Variants in DSCC1 observed in about 807,000 individuals in gnomAD.
DSCC1 encodes DNA replication and sister chromatid cohesion 1.
DSCC1 carries 32 observed loss-of-function variants against 48.2 expected under a neutral mutation model. That is an observed-to-expected ratio of 0.66 (90% confidence interval 0.50 to 0.89). The LOEUF is 0.89. DSCC1 is among the 40% of genes least tolerant of loss of function. The pLI is 0.00. For synonymous variants in DSCC1, 150 were observed against 171.5 expected (o/e 0.87, Z 0.98); for missense variants, 421 against 471.7 (o/e 0.89, Z 1.00).
rs772906172 is a variant in DSCC1 at position 119,855,676 on chromosome 8, G to A, written c.120C>T (p.Ala40=). 2.1e-5 allele frequency: 33 copies of A among 1,551,240 alleles called. No individual in the cohort carries two copies. The highest frequency in any genetic ancestry group is 7.7e-5 in the Admixed American group (4 of 51,648). The stretch of plus-strand genomic sequence containing the variant: ...CCAGCTCCAGCAGGCAGAAGTCGCC[G>A]GCTGCAGCGCCGCTGGCCCCAGGGC... ...GFGPGASGAA[A]GDFCLLELEP... is the part of the protein sequence containing the mutation. The change falls in exon 1 of 9, where the codon GCC becomes GCT. Residue 40 remains alanine (A), a synonymous_variant. Coordinates refer to ENST00000313655, the MANE Select transcript of DSCC1 (RefSeq NM_024094.3).
chr8:119,844,257 G>A (rs1826817891), intron 4 of DSCC1, among the ~76,000 whole-genome samples: 1 of 151,904 alleles, frequency 6.6e-6, no homozygotes, highest in Non-Finnish European at 1.5e-5. Context: ...GGCCAACATA[G>A]TGAAACCCCA....
chr8:119,840,893 C>T (rs1372508935), intron 7 of DSCC1, among the ~76,000 whole-genome samples: 1 of 151,626 alleles, frequency 6.6e-6, no homozygotes, highest in Non-Finnish European at 1.5e-5. Context: ...GCCTGGGTGA[C>T]AGAATGAGAC....
chr8:119,855,828 C>T lies in DSCC1; in HGVS notation c.-33G>A, dbSNP rs1291400938. On this transcript the variant is annotated 5_prime_UTR_variant, in exon 1 of 9. Transcript: ENST00000313655. Reference sequence around the variant, plus strand: ...CCGGGTCTAGGAGTCCCGCCGCGCCCGGGTGGCTGCGGGCTTGGCGGGCAA... The same window carrying T: ...CCGGGTCTAGGAGTCCCGCCGCGCCTGGGTGGCTGCGGGCTTGGCGGGCAA... The T allele has an allele frequency of 5.6e-6, 8 of 1,422,454 alleles. No individual in the cohort carries two copies. The African/African-American group carries it at 1.1e-4, about 19-fold the overall frequency. The allele number at this position is 1,422,454 out of a possible 1,614,324, so 88.1% of individuals were successfully genotyped here.
At chr8:119,850,357 A>G (rs1411940824) in intron 3 of DSCC1, 25 bp downstream of exon 3, 1 of 1,548,724 alleles carries the variant, frequency 6.5e-7, no homozygotes, top group Non-Finnish European at 8.6e-7. Context: ...TAAATTCCAA[A>G]TAAAAAAGTG....
intron 1 of DSCC1, among the ~76,000 whole-genome samples, chr8:119,854,866 A>G (rs1826993561): frequency 6.6e-6 from 1 of 152,218 alleles, no homozygotes; most frequent in Admixed American, 6.5e-5. Flanking sequence ...GCAAAGTACG[A>G]AAACTGAAAG....
At position 119,855,848 on chromosome 8, in the gene DSCC1, G is replaced by C. The variant is rs1056509237; in HGVS notation, c.-53C>G. ...GCGCCCGGGTGGCTGCGGGCTTGGCGGGCAAGAAAGAAGTTCCCAAGCAGC... is the reference window on the plus strand; with the variant it reads ...GCGCCCGGGTGGCTGCGGGCTTGGCCGGCAAGAAAGAAGTTCCCAAGCAGC... On this transcript the variant is annotated 5_prime_UTR_variant, in exon 1 of 9. Transcript: ENST00000313655. The C allele has an allele frequency of 3.6e-5, 51 of 1,410,422 alleles. No individual in the cohort carries two copies. The highest frequency in any genetic ancestry group is 2.5e-4 in the Middle Eastern group (1 of 3,928). The allele number at this position is 1,410,422 out of a possible 1,614,324, so 87.4% of individuals were successfully genotyped here. A position where few individuals can be genotyped will look rare whatever the true frequency, so the allele number is the denominator to read the frequency against.
rs767726560 is a variant in DSCC1, at chr8:119,855,786, T to C, written c.10A>G (p.Thr4Ala). Residue 4 changes from threonine to alanine, a missense_variant, in exon 1 of 9, where the codon ACC (threonine) becomes GCC (alanine). Physicochemically the swap from Thr to Ala is moderately conservative, Grantham distance 58 (BLOSUM62 0). Coordinates refer to ENST00000313655, the MANE Select transcript of DSCC1 (RefSeq NM_024094.3). The part of the protein sequence containing the change: MKR[T>A]RDEVDATLQI... Reference sequence around the variant, plus strand: ...AGCGTCGCATCCACCTCGTCGCGGGTCCTCTTCATCGCAGCGCCGGGTCTA... The same window carrying C: ...AGCGTCGCATCCACCTCGTCGCGGGCCCTCTTCATCGCAGCGCCGGGTCTA... 6.5e-7 allele frequency: 1 copy of C among 1,534,404 alleles called. No individual in the cohort carries two copies. Among genetic ancestry groups the C allele is most frequent in the Non-Finnish European group, 8.8e-7 (1 of 1,141,278 alleles).
rs933416316 is a variant in DSCC1 at position 119,842,891 on chromosome 8, C to G, written c.717-63G>C. The G allele has an allele frequency of 1.3e-5, 17 of 1,315,100 alleles. No homozygotes were observed. The Admixed American group carries it at 1.9e-4, about 15-fold the overall frequency. 81.5% of individuals were successfully genotyped at this position (1,315,100 alleles called of 1,614,324 possible). Reference sequence around the variant, plus strand: ...CATTTTTATGCACTATATTTTAACCCCATTGCCAACTCAAAATTAAGAAAG... The same window carrying G: ...CATTTTTATGCACTATATTTTAACCGCATTGCCAACTCAAAATTAAGAAAG... On this transcript the variant is annotated intron_variant, in intron 5 of 8. Transcript: ENST00000313655.
intron 8 of DSCC1, among the ~76,000 whole-genome samples, chr8:119,835,987 T>A (rs1229000641): frequency 6.6e-6 from 1 of 152,136 alleles, no homozygotes; most frequent in African/African-American, 2.4e-5. Flanking sequence ...GTGTTTTAAT[T>A]AATGGAAAAG....
chr8:119,838,125 C>A, intron 8 of DSCC1, 134 bp downstream of exon 8: 1 of 935,348 alleles, frequency 1.1e-6, no homozygotes, highest in East Asian at 2.9e-5. Context: ...ACAGCCACCA[C>A]CTAAGAGTTT....
intron 3 of DSCC1, 82 bp from the exon 4 acceptor site, chr8:119,847,162 C>T: frequency 8.4e-7 from 1 of 1,188,144 alleles, no homozygotes; most frequent in Non-Finnish European, 1.2e-6. Flanking sequence ...GGAATAAATA[C>T]ATAGAACAGA....
chr8:119,855,667 G>T lies in DSCC1; in HGVS notation c.129C>A (p.Phe43Leu). The change falls in exon 1 of 9, where the codon TTC becomes TTA. Residue 43 changes from phenylalanine (F) to leucine (L), a missense_variant. This residue lies in a region of DSCC1 where 174 missense variants were observed against 184.5 expected (regional missense o/e 0.94). Coordinates refer to ENST00000313655, the MANE Select transcript of DSCC1 (RefSeq NM_024094.3). ...GCGTGGGCTCCAGCTCCAGCAGGCA[G>T]AAGTCGCCGGCTGCAGCGCCGCTGG... Reference protein sequence around the residue: ...PGASGAAAGDFCLLELEPTLC... With the variant: ...PGASGAAAGDLCLLELEPTLC... The T allele has an allele frequency of 6.5e-7, 1 of 1,549,760 alleles. No individual in the cohort carries two copies.
In DSCC1 at chr8:119,848,666, G is replaced by A. The variant is rs922342978; in HGVS notation, c.487-1586C>T. Among the ~76,000 whole-genome samples the A allele has an allele frequency of 4.6e-5, 7 of 152,290 alleles. No homozygotes were observed. In the South Asian group the frequency reaches 1.4e-3, roughly 32 times the overall value. On this transcript the variant is annotated intron_variant, in intron 3 of 8. Transcript: ENST00000313655. ...AGATCCACATTAAAATCTTGTATAC[G>A]AATGTTCGCAGAAGCATTATTCTTA...
At chr8:119,841,570 T>C (rs1826769851) in intron 7 of DSCC1, among the ~76,000 whole-genome samples, 1 of 152,194 alleles carries the variant, frequency 6.6e-6, no homozygotes, top group Non-Finnish European at 1.5e-5. Flanking sequence ...GAGCAACTTA[T>C]TTTAAAATTA....
chr8:119,849,583 G>A (rs898229343), intron 3 of DSCC1, among the ~76,000 whole-genome samples: 2 of 152,230 alleles, frequency 1.3e-5, no homozygotes, highest in Admixed American at 1.3e-4. Context: ...GTAGCCTAGG[G>A]GAAAGGGGAG....
At chr8:119,835,569 A>G (rs573562980) in intron 8 of DSCC1, among the ~76,000 whole-genome samples, 1 of 152,306 alleles carries the variant, frequency 6.6e-6, no homozygotes, top group African/African-American at 2.4e-5. Context: ...ATTTAACCCT[A>G]TATTAGATAT....
intron 3 of DSCC1, among the ~76,000 whole-genome samples, chr8:119,848,473 C>A (rs150930665): frequency 6.6e-6 from 1 of 152,190 alleles, no homozygotes; most frequent in African/African-American, 2.4e-5. Context: ...ATGGGCATTT[C>A]TCCAAAGATA....
chr8:119,835,489 A>G (rs1826666849), intron 8 of DSCC1, among the ~76,000 whole-genome samples: 1 of 152,028 alleles, frequency 6.6e-6, no homozygotes, highest in Non-Finnish European at 1.5e-5. Flanking sequence ...CCTGAGTGAC[A>G]GTGTGAGACT....
intron 2 of DSCC1, 102 bp downstream of exon 2, chr8:119,852,941 TCTCC>T (rs1826961944): frequency 9.9e-7 from 1 of 1,007,762 alleles, no homozygotes; most frequent in South Asian, 3.0e-5. Context: ...CTTCTTAGAT[TCTCC>T]CTGATTATAG....
Sources: gnomAD v4.1 joint callset for allele counts (sites outside exome capture counted in the v4.1 genomes callset) on GRCh38, gnomAD v4.1.1 for gene constraint, gnomAD v4.1.1 regional missense constraint, MANE v1.5 for transcripts, NCBI Gene and HGNC (gene_info 2026-07-23, HGNC 2026-07-21) for gene names.